ADCY5: variants seen among roughly 807,000 people sequenced by gnomAD.
ADCY5 encodes adenylate cyclase 5.
Under a neutral mutation model 119.7 loss-of-function variants are expected in ADCY5, and 30 were observed. The ratio of observed to expected loss-of-function variants is 0.25; its 90% CI spans 0.19 to 0.34. The LOEUF (loss-of-function observed/expected upper bound fraction) is 0.34. ADCY5 is among the 10% of genes least tolerant of loss of function. The pLI, the probability that ADCY5 is intolerant of heterozygous loss-of-function variation, is 1.00. For missense variants in ADCY5, 1,324 were observed against 1,775.2 expected, an observed-to-expected ratio of 0.75 and a Z score of 4.57; for synonymous variants, 753 against 762.2, an observed-to-expected ratio of 0.99 and a Z score of 0.20.
chr3:123,290,595 G>A (rs76411501), intron 18 of ADCY5, among the ~76,000 whole-genome samples: 3,343 of 152,338 alleles, frequency 0.022, 132 homozygotes, highest in African/African-American at 0.077. Context: ...GTATGAGAAG[G>A]AAATGAAGGA....
At chr3:123,399,983 C>G (rs934318009) in intron 1 of ADCY5, among the ~76,000 whole-genome samples, 45 of 152,302 alleles carry the variant, frequency 3.0e-4, no homozygotes, top group African/African-American at 1.1e-3. Flanking sequence ...CCCTGGACCC[C>G]TGGCCACTTT....
intron 1 of ADCY5, among the ~76,000 whole-genome samples, chr3:123,378,287 G>A (rs1247242469): frequency 5.3e-5 from 8 of 151,842 alleles, no homozygotes; most frequent in Admixed American, 6.5e-5. Context: ...CACACTGTCA[G>A]GCATCAGAAC....
intron 1 of ADCY5, among the ~76,000 whole-genome samples, chr3:123,439,194 A>G (rs1234202558): frequency 6.7e-6 from 1 of 148,876 alleles, no homozygotes; most frequent in African/African-American, 2.5e-5. Context: ...CAGCCTCCCG[A>G]GTAGCTGGGA....
intron 1 of ADCY5, among the ~76,000 whole-genome samples, chr3:123,381,495 C>G (rs964042849): frequency 5.3e-5 from 8 of 152,250 alleles, no homozygotes; most frequent in Non-Finnish European, 8.8e-5. Flanking sequence ...CAAATCCCAG[C>G]CCTGCTCATT....
intron 1 of ADCY5, among the ~76,000 whole-genome samples, chr3:123,391,477 A>G (rs75439535): frequency 0.03 from 4,497 of 152,104 alleles, 222 homozygotes; most frequent in African/African-American, 0.099. Context: ...GGAGGGAGAC[A>G]CCCTGGGGCT....
chr3:123,319,293 G>T (rs1249871368), intron 10 of ADCY5, among the ~76,000 whole-genome samples: 1 of 148,630 alleles, frequency 6.7e-6, no homozygotes, highest in Non-Finnish European at 1.5e-5. Flanking sequence ...GGAGGAGGTT[G>T]CAGTGAGCCA....
chr3:123,323,409 A>C (rs1294864480), intron 8 of ADCY5, among the ~76,000 whole-genome samples: 1 of 152,168 alleles, frequency 6.6e-6, no homozygotes, highest in Admixed American at 6.5e-5. Flanking sequence ...TATAGCTTAT[A>C]TCAAATATCA....
chr3:123,448,665 C>A lies in ADCY5; in HGVS notation c.-120G>T. The A allele has an allele frequency of 1.1e-6, 1 of 917,828 alleles. No individual in the cohort carries two copies. The highest frequency in any genetic ancestry group is 1.4e-6 in the Non-Finnish European group (1 of 700,436). 56.9% of individuals were successfully genotyped at this position (917,828 alleles called of 1,614,324 possible). On this transcript the variant is annotated 5_prime_UTR_variant, in exon 1 of 21. Coordinates refer to ENST00000462833, the MANE Select transcript of ADCY5 (RefSeq NM_183357.3). Reference sequence around the variant, plus strand: ...CTAGGGTCACACGTCGGGGGCGGCCCGGGGCCCTGCGCTGCAGCGGGGCAT... The same window carrying A: ...CTAGGGTCACACGTCGGGGGCGGCCAGGGGCCCTGCGCTGCAGCGGGGCAT...
At chr3:123,431,598 A>C (rs1945524076) in intron 1 of ADCY5, among the ~76,000 whole-genome samples, 1 of 152,246 alleles carries the variant, frequency 6.6e-6, no homozygotes, top group African/African-American at 2.4e-5. Flanking sequence ...CATGTGTAAC[A>C]GTCATTTCCT....
At chr3:123,371,617 G>A (rs560356907) in intron 1 of ADCY5, among the ~76,000 whole-genome samples, 18 of 152,328 alleles carry the variant, frequency 1.2e-4, no homozygotes, top group African/African-American at 3.9e-4. Flanking sequence ...CATGGCAGCC[G>A]GTATCTCTCA....
At chr3:123,336,046 T>C (rs187564396) in intron 3 of ADCY5, among the ~76,000 whole-genome samples, 2 of 152,332 alleles carry the variant, frequency 1.3e-5, no homozygotes, top group Admixed American at 6.5e-5. Flanking sequence ...CTCCAGCGTG[T>C]GCAGCTGTGG....
chr3:123,346,641 C>CTCTCTCTCTCTCTG (rs1376749948), intron 3 of ADCY5, among the ~76,000 whole-genome samples: 1 of 146,510 alleles, frequency 6.8e-6, no homozygotes, highest in African/African-American at 2.5e-5. Context: ...CTCTCTCTCT[C>CTCTCTCTCTCTCTG]TGTGTGTATG....
intron 1 of ADCY5, chr3:123,368,147 A>T (rs1194870209): frequency 9.6e-7 from 1 of 1,039,928 alleles, no homozygotes; most frequent in African/African-American, 1.6e-5. Context: ...CATGCAACCT[A>T]CAGGAATCTG....
chr3:123,312,502 C>G (rs967989755), intron 12 of ADCY5, among the ~76,000 whole-genome samples: 6 of 152,174 alleles, frequency 3.9e-5, no homozygotes, highest in Non-Finnish European at 8.8e-5. Context: ...TTTCCAAAAC[C>G]CTTTCATCAC....
At chr3:123,386,461 G>C (rs1032617909) in intron 1 of ADCY5, among the ~76,000 whole-genome samples, 1 of 152,222 alleles carries the variant, frequency 6.6e-6, no homozygotes, top group African/African-American at 2.4e-5. Context: ...GGTGCCCCCA[G>C]AACTGGCCCA....
At chr3:123,295,318 C>G (rs1170343376) in intron 17 of ADCY5, among the ~76,000 whole-genome samples, 1 of 152,230 alleles carries the variant, frequency 6.6e-6, no homozygotes, top group African/African-American at 2.4e-5. Flanking sequence ...GAGGCCGGGC[C>G]AGGCTAAGCT....
chr3:123,422,926 G>A (rs1389743204), intron 1 of ADCY5, among the ~76,000 whole-genome samples: 1 of 152,200 alleles, frequency 6.6e-6, no homozygotes, highest in Non-Finnish European at 1.5e-5. Context: ...GAGGAATTTT[G>A]TATAGCAGAA....
intron 12 of ADCY5, among the ~76,000 whole-genome samples, chr3:123,307,210 C>A (rs750048482): frequency 1.3e-5 from 2 of 152,122 alleles, no homozygotes; most frequent in African/African-American, 2.4e-5. Flanking sequence ...ATTAAAAGTT[C>A]ATTCACCTTT....
chr3:123,331,266 G>A (rs1219266655), intron 4 of ADCY5, among the ~76,000 whole-genome samples: 1 of 152,170 alleles, frequency 6.6e-6, no homozygotes, highest in Non-Finnish European at 1.5e-5. Context: ...CCAGACTCAG[G>A]AGCTCACTTT....
Sources: allele counts gnomAD v4.1 joint callset (sites outside exome capture counted in the v4.1 genomes callset), GRCh38; gene constraint gnomAD v4.1.1; transcripts MANE v1.5; gene names NCBI Gene and HGNC (gene_info 2026-07-23, HGNC 2026-07-21).